The following OR7E24 variants were observed in gnomAD, a reference collection of about 807,000 sequenced individuals.
OR7E24 encodes the protein olfactory receptor 7E24.
For missense variants in OR7E24, 385 were observed against 410.3 expected, an observed-to-expected ratio of 0.94 and a Z score of 0.53; for synonymous variants, 130 against 157.5, an observed-to-expected ratio of 0.83 and a Z score of 1.31.
In OR7E24 at chr19:9,251,668, G is replaced by A. The variant is rs369925201; in HGVS notation, c.625G>A (p.Asp209Asn). The change falls in exon 1 of 1, where the codon GAC (aspartate) becomes AAC (asparagine). Residue 209 changes from aspartate (D) to asparagine (N), a missense_variant. Asp to Asn is a conservative substitution (Grantham distance 23). Coordinates refer to ENST00000456448, the MANE Select transcript of OR7E24 (RefSeq NM_001079935.2). ...TCAACTCCTCCACCTTAGGTGTTCC[G>A]ACACCTTCATCAATGAAATGGTCAT... is the stretch of plus-strand genomic sequence containing the variant. Reference protein sequence around the residue: ...PSQLLHLRCSDTFINEMVIYF... With the variant: ...PSQLLHLRCSNTFINEMVIYF... 34 of 1,613,450 alleles carry A rather than the reference G, an allele frequency of 2.1e-5. No homozygotes were observed. Among genetic ancestry groups the A allele is most frequent in the Admixed American group, 3.3e-5 (2 of 59,966 alleles).
At position 9,251,741 on chromosome 19, in the gene OR7E24, T is replaced by C; in HGVS notation, c.698T>C (p.Leu233Pro). ...GGCTGTCTCCCTATCTCAGGGATCC[T>C]TTTCTCTTACTATAAAATTGTTTCC... is the stretch of plus-strand genomic sequence containing the variant. ...IFGCLPISGI[L>P]FSYYKIVSPI... The change falls in exon 1 of 1, where the codon CTT becomes CCT. Residue 233 changes from leucine to proline, a missense_variant. Leu to Pro is a moderately conservative substitution (Grantham distance 98, BLOSUM62 -3). Transcript: ENST00000456448. 6.2e-7 allele frequency: 1 copy of C among 1,611,478 alleles called. No individual in the cohort carries two copies. The highest frequency in any genetic ancestry group is 1.1e-5 in the South Asian group (1 of 90,790).
upstream of OR7E24, among the ~76,000 whole-genome samples, chr19:9,243,924 C>T (rs2066122698): frequency 6.6e-6 from 1 of 152,184 alleles, no homozygotes; most frequent in African/African-American, 2.4e-5. Context: ...TGCCTCCTCC[C>T]GGGAGAGTCC....
chr19:9,239,372 C>T, the OR7E24 span, among the ~76,000 whole-genome samples: 1 of 152,066 alleles, frequency 6.6e-6, no homozygotes, highest in African/African-American at 2.4e-5. Context: ...CGGGGCTTCA[C>T]CGTGTTAGCC....
chr19:9,241,182 C>T, the OR7E24 span, among the ~76,000 whole-genome samples: 2 of 152,124 alleles, frequency 1.3e-5, no homozygotes, highest in African/African-American at 4.8e-5. Flanking sequence ...ATCTACTTTC[C>T]TTTGCATCGA....
chr19:9,236,326 C>G, the OR7E24 span, among the ~76,000 whole-genome samples: 7 of 152,056 alleles, frequency 4.6e-5, no homozygotes, highest in Middle Eastern at 3.4e-3. Flanking sequence ...TCCTGGCCAA[C>G]AGGTGAAACC....
upstream of OR7E24, among the ~76,000 whole-genome samples, chr19:9,244,442 A>T (rs1371443891): frequency 6.6e-6 from 1 of 152,262 alleles, no homozygotes; most frequent in South Asian, 2.1e-4. Context: ...AAGAACATTC[A>T]TTGGGAAAAA....
upstream of OR7E24, among the ~76,000 whole-genome samples, chr19:9,246,467 TGTG>T (rs981944618): frequency 4.6e-4 from 9 of 19,554 alleles, no homozygotes; most frequent in African/African-American, 1.7e-3. Flanking sequence ...TTAAAGGTAT[TGTG>T]TGTGTGTGTG....
At chr19:9,232,014 T>C in the OR7E24 span, among the ~76,000 whole-genome samples, 1 of 152,100 alleles carries the variant, frequency 6.6e-6, no homozygotes, top group Non-Finnish European at 1.5e-5. Context: ...CTAGTGAGGG[T>C]AAGAGAGTCC....
the OR7E24 span, chr19:9,219,591 G>C: frequency 6.6e-6 from 1 of 152,180 alleles, no homozygotes. Flanking sequence ...CTAGGAAGCC[G>C]TACTGGGTTT....
chr19:9,246,468 GTGTGTGTGTGTGTGT>G (rs2066130708), upstream of OR7E24, among the ~76,000 whole-genome samples: 2 of 107,068 alleles, frequency 1.9e-5, no homozygotes, highest in Admixed American at 2.2e-4. Flanking sequence ...TAAAGGTATT[GTGTGTGTGTGTGTGT>G]GTGTGTGTGT....
chr19:9,214,663 T>G, the OR7E24 span: 73 of 1,613,832 alleles, frequency 4.5e-5, no homozygotes, highest in Non-Finnish European at 6.1e-5. Flanking sequence ...AAGAAGTACA[T>G]GGGGGTGTGG....
the OR7E24 span, among the ~76,000 whole-genome samples, chr19:9,226,467 C>T: frequency 6.6e-6 from 1 of 152,032 alleles, no homozygotes; most frequent in African/African-American, 2.4e-5. Context: ...CAGAGGAGAA[C>T]AAAGGAAGGA....
At chr19:9,232,278 G>T in the OR7E24 span, among the ~76,000 whole-genome samples, 1 of 152,084 alleles carries the variant, frequency 6.6e-6, no homozygotes, top group African/African-American at 2.4e-5. Context: ...GGTGGCTCAC[G>T]CCTGTAATCC....
chr19:9,244,472 G>A (rs1402142283), upstream of OR7E24, among the ~76,000 whole-genome samples: 1 of 152,164 alleles, frequency 6.6e-6, no homozygotes, highest in Non-Finnish European at 1.5e-5. Flanking sequence ...TTCAACAAAC[G>A]GTGTAGGAAA....
upstream of OR7E24, among the ~76,000 whole-genome samples, chr19:9,248,522 G>T (rs2066136750): frequency 6.6e-6 from 1 of 152,046 alleles, no homozygotes; most frequent in Non-Finnish European, 1.5e-5. Context: ...CACCCAGCAG[G>T]TGCCCCTGCT....
chr19:9,235,499 C>G, the OR7E24 span: 11 of 1,586,746 alleles, frequency 6.9e-6, no homozygotes, highest in Non-Finnish European at 7.8e-6. Flanking sequence ...GCTGTGATAG[C>G]CTATGACCGG....
chr19:9,250,198 G>A (rs1326999640), upstream of OR7E24, among the ~76,000 whole-genome samples: 2 of 152,012 alleles, frequency 1.3e-5, no homozygotes, highest in African/African-American at 4.8e-5. Context: ...GGGCTCAAGC[G>A]ATTCTCCTGA....
chr19:9,237,028 C>T, the OR7E24 span, among the ~76,000 whole-genome samples: 1 of 152,164 alleles, frequency 6.6e-6, no homozygotes, highest in Non-Finnish European at 1.5e-5. Context: ...TGTGACACTG[C>T]AGCCCCACTA....
At chr19:9,228,900 A>G in the OR7E24 span, among the ~76,000 whole-genome samples, 1 of 152,352 alleles carries the variant, frequency 6.6e-6, no homozygotes, top group South Asian at 2.1e-4. Context: ...TTAAAGGCAG[A>G]CGTTATGTTA....
Sources: allele counts gnomAD v4.1 joint callset (sites outside exome capture counted in the v4.1 genomes callset), GRCh38; gene constraint gnomAD v4.1.1; transcripts MANE v1.5; gene names NCBI Gene and HGNC (gene_info 2026-07-23, HGNC 2026-07-21).